SLC35D2: variants seen among roughly 807,000 people sequenced by gnomAD.
SLC35D2 encodes the protein solute carrier family 35 member D2.
A neutral mutation model predicts 41.8 loss-of-function variants in SLC35D2; 43 were observed. The ratio of observed to expected loss-of-function variants is 1.03; its 90% CI spans 0.81 to 1.33. The LOEUF is 1.33. SLC35D2 is among the 40% of genes most tolerant of loss of function. The pLI is 0.00. For synonymous variants in SLC35D2, 150 were observed against 163.9 expected (o/e 0.92, Z 0.65); for missense variants, 380 against 408.4 (o/e 0.93, Z 0.60).
chr9:96,325,015 C>T (rs1211302016), intron 9 of SLC35D2, among the ~76,000 whole-genome samples: 1 of 152,214 alleles, frequency 6.6e-6, no homozygotes, highest in East Asian at 1.9e-4. Context: ...AGAAAATCAG[C>T]TGAGCGATTG....
intron 9 of SLC35D2, among the ~76,000 whole-genome samples, chr9:96,328,072 G>A (rs1222237441): frequency 6.6e-6 from 1 of 152,034 alleles, no homozygotes; most frequent in Non-Finnish European, 1.5e-5. Flanking sequence ...CCAAGACTTT[G>A]AACTAAAAGA....
chr9:96,375,505 G>C (rs1477753164), intron 1 of SLC35D2, among the ~76,000 whole-genome samples: 1 of 151,458 alleles, frequency 6.6e-6, no homozygotes, highest in Non-Finnish European at 1.5e-5. Flanking sequence ...TTGAACCCAG[G>C]AGATGGAGGT....
At chr9:96,338,547 C>A (rs1013141450) in intron 8 of SLC35D2, among the ~76,000 whole-genome samples, 3 of 130,346 alleles carry the variant, frequency 2.3e-5, no homozygotes, top group Non-Finnish European at 3.2e-5. Context: ...CAGAGTGAGA[C>A]CCTGTCTCAA....
rs1446056482 is a variant in SLC35D2 at position 96,345,280 on chromosome 9, C to T, written c.591+19G>A. 1 of 1,401,276 alleles carries T rather than the reference C, an allele frequency of 7.1e-7. No homozygotes were observed. Among genetic ancestry groups the T allele is most frequent in the Non-Finnish European group, 1.0e-6 (1 of 1,004,512 alleles). The allele number at this position is 1,401,276 out of a possible 1,614,324, so 86.8% of individuals were successfully genotyped here. A position where few individuals can be genotyped will look rare whatever the true frequency, so the allele number is the denominator to read the frequency against. On this transcript the variant is annotated intron_variant, in intron 7 of 11. Coordinates refer to ENST00000253270, the MANE Select transcript of SLC35D2 (RefSeq NM_007001.3). The stretch of plus-strand genomic sequence containing the variant: ...GGGCCAGATGACAGAGCCAAAAAGC[C>T]ATAGGCAAGGTCTGGTACCTTTGGG...
At chr9:96,323,998 C>T in intron 10 of SLC35D2, 93 bp downstream of exon 10, 1 of 1,091,856 alleles carries the variant, frequency 9.2e-7, no homozygotes. Context: ...CTTACACCAC[C>T]ACCAACAACA....
intron 1 of SLC35D2, among the ~76,000 whole-genome samples, chr9:96,378,637 A>G (rs34928390): frequency 0.028 from 4,259 of 152,248 alleles, 75 homozygotes; most frequent in Middle Eastern, 0.058. Context: ...TTGGTGTGGT[A>G]GCTCACGCTA....
intron 2 of SLC35D2, among the ~76,000 whole-genome samples, chr9:96,366,298 GAA>G (rs369811519): frequency 5.7e-5 from 4 of 70,438 alleles, no homozygotes; most frequent in Admixed American, 3.2e-4. Flanking sequence ...CCAGACACTG[GAA>G]AAAAAAAAAA....
chr9:96,342,421 C>T (rs921139828), intron 8 of SLC35D2, among the ~76,000 whole-genome samples: 1 of 152,146 alleles, frequency 6.6e-6, no homozygotes, highest in South Asian at 2.1e-4. Context: ...TGAGCCACCT[C>T]GCCTGGCCAA....
In SLC35D2 at chr9:96,321,981, T is replaced by C. The variant is rs749084748; in HGVS notation, c.914+17A>G. 39 of 1,465,484 alleles carry C rather than the reference T, an allele frequency of 2.7e-5. No individual in the cohort carries two copies. The highest frequency in any genetic ancestry group is 6.9e-5 in the Admixed American group (4 of 58,084). The allele number at this position is 1,465,484 out of a possible 1,614,324, so 90.8% of individuals were successfully genotyped here. ...TCTTGTCTTCCCAAAGCGAGTCCATTAAAAATTCCCACTCACCAAATATTT... is the reference window on the plus strand; with the variant it reads ...TCTTGTCTTCCCAAAGCGAGTCCATCAAAAATTCCCACTCACCAAATATTT... On this transcript the variant is annotated intron_variant, in intron 11 of 11. Transcript: ENST00000253270.
At chr9:96,340,485 T>G (rs1294014484) in intron 8 of SLC35D2, among the ~76,000 whole-genome samples, 1 of 151,524 alleles carries the variant, frequency 6.6e-6, no homozygotes, top group Non-Finnish European at 1.5e-5. Flanking sequence ...GGCATCATGG[T>G]GGCGGGCGCC....
intron 9 of SLC35D2, among the ~76,000 whole-genome samples, chr9:96,330,155 GTC>G (rs1828741739): frequency 6.6e-6 from 1 of 152,254 alleles, no homozygotes; most frequent in South Asian, 2.1e-4. Flanking sequence ...GCAGAAGAAA[GTC>G]TGTCCCAGAT....
chr9:96,378,365 T>A (rs933330951), intron 1 of SLC35D2, among the ~76,000 whole-genome samples: 7 of 151,756 alleles, frequency 4.6e-5, no homozygotes, highest in African/African-American at 1.7e-4. Context: ...CCAGCAGAGG[T>A]TCCAGTGAGC....
chr9:96,324,039 G>C, intron 10 of SLC35D2, 52 bp downstream of exon 10: 1 of 1,484,342 alleles, frequency 6.7e-7, no homozygotes, highest in Non-Finnish European at 9.4e-7. Context: ...TGGAATATTT[G>C]GATTTCCATT....
At chr9:96,325,592 A>C (rs1388024004) in intron 9 of SLC35D2, among the ~76,000 whole-genome samples, 1 of 152,188 alleles carries the variant, frequency 6.6e-6, no homozygotes, top group Admixed American at 6.5e-5. Context: ...ATGAAGCAGG[A>C]GAATTGCTTG....
intron 8 of SLC35D2, among the ~76,000 whole-genome samples, chr9:96,339,933 T>C (rs1305195519): frequency 6.6e-6 from 1 of 152,212 alleles, no homozygotes; most frequent in Non-Finnish European, 1.5e-5. Context: ...TCTCCATCGC[T>C]CCTAGTCCCA....
At position 96,345,323 on chromosome 9, in the gene SLC35D2, A is replaced by G; in HGVS notation, c.567T>C (p.Tyr189=). The G allele has an allele frequency of 6.2e-7, 1 of 1,609,812 alleles. No homozygotes were observed. The highest frequency in any genetic ancestry group is 8.5e-7 in the Non-Finnish European group (1 of 1,176,956). Residue 189 remains tyrosine, a synonymous_variant, in exon 7 of 12, where the codon TAT becomes TAC. Coordinates refer to ENST00000253270, the MANE Select transcript of SLC35D2 (RefSeq NM_007001.3). The stretch of plus-strand genomic sequence containing the variant: ...CCTTTGGGTCCATTTTCTGTTTGGT[A>G]TAAACTCCATTTGCTGCTGTGAAGA... ...NDIFTAANGV[Y]TKQKMDPKEL...
intron 3 of SLC35D2, among the ~76,000 whole-genome samples, chr9:96,362,073 T>C (rs1587706253): frequency 1.3e-5 from 2 of 152,118 alleles, no homozygotes; most frequent in East Asian, 1.9e-4. Context: ...ATTCATACAA[T>C]GAAAATAAAA....
chr9:96,323,023 T>C (rs1587827218), intron 10 of SLC35D2, among the ~76,000 whole-genome samples: 1 of 94,454 alleles, frequency 1.1e-5, no homozygotes, highest in Admixed American at 1.4e-4. Flanking sequence ...CTGGTTTTTC[T>C]TTTTTTTTTT....
chr9:96,350,346 CCTTTTTTTTTT>C (rs1829761218), intron 6 of SLC35D2, among the ~76,000 whole-genome samples: 1 of 130,534 alleles, frequency 7.7e-6, no homozygotes, highest in African/African-American at 3.3e-5. Context: ...AATTTTCTTT[CCTTTTTTTTTT>C]TTTTTTTTTT....
Sources: allele counts gnomAD v4.1 joint callset (sites outside exome capture counted in the v4.1 genomes callset), GRCh38; gene constraint gnomAD v4.1.1; transcripts MANE v1.5; gene names NCBI Gene and HGNC (gene_info 2026-07-23, HGNC 2026-07-21).